Variants in SLC25A21 observed in about 807,000 individuals in gnomAD.
SLC25A21 encodes the protein solute carrier family 25 member 21, also known as mitochondrial 2-oxodicarboxylate carrier.
SLC25A21 carries 47 observed loss-of-function variants against 43.8 expected under a neutral mutation model. The observed-to-expected ratio is 1.07, with a 90% CI of 0.85 to 1.37. The LOEUF is 1.37. SLC25A21 is among the 40% of genes most tolerant of loss of function. The probability of loss-of-function intolerance (pLI) is 0.00; values close to 1 mark genes in which losing one functional copy is unlikely to be tolerated. For missense variants in SLC25A21, 352 were observed against 350.2 expected (o/e 1.00, Z -0.04); for synonymous variants, 131 against 121.3 (o/e 1.08, Z -0.52).
intron 1 of SLC25A21, among the ~76,000 whole-genome samples, chr14:36,897,921 G>A (rs563439396): frequency 3.9e-5 from 6 of 152,296 alleles, no homozygotes; most frequent in African/African-American, 7.2e-5. Flanking sequence ...GTACCTGGCC[G>A]TGTGAGGTGT....
At chr14:36,970,636 T>C (rs1453427384) in intron 1 of SLC25A21, among the ~76,000 whole-genome samples, 1 of 152,078 alleles carries the variant, frequency 6.6e-6, no homozygotes, top group East Asian at 1.9e-4. Context: ...CAGGTTAGGG[T>C]GAACAAAAAT....
intron 1 of SLC25A21, among the ~76,000 whole-genome samples, chr14:36,947,179 G>A (rs952814765): frequency 6.6e-6 from 1 of 152,150 alleles, no homozygotes; most frequent in African/African-American, 2.4e-5. Context: ...TAGTTCAGCT[G>A]CACACCAAGT....
intron 7 of SLC25A21, among the ~76,000 whole-genome samples, chr14:36,706,870 C>T (rs1283449833): frequency 6.6e-6 from 1 of 152,186 alleles, no homozygotes; most frequent in Non-Finnish European, 1.5e-5. Context: ...CTCCCATCCC[C>T]ACCCCATCCA....
intron 3 of SLC25A21, among the ~76,000 whole-genome samples, chr14:36,764,532 T>G (rs1407509627): frequency 1.9e-5 from 1 of 52,880 alleles, no homozygotes; most frequent in Non-Finnish European, 3.5e-5. Flanking sequence ...TCACCCACAC[T>G]CCAAAAAAAA....
chr14:37,026,817 T>C (rs1315814019), intron 1 of SLC25A21, among the ~76,000 whole-genome samples: 8 of 152,240 alleles, frequency 5.3e-5, no homozygotes, highest in African/African-American at 1.4e-4. Flanking sequence ...CAAAAACATG[T>C]CAAAGAGATT....
chr14:36,955,270 T>C (rs1440681886), intron 1 of SLC25A21, among the ~76,000 whole-genome samples: 7 of 152,208 alleles, frequency 4.6e-5, no homozygotes, highest in Admixed American at 2.0e-4. Flanking sequence ...CAAGAGGTTA[T>C]AATAACTAGG....
chr14:37,090,181 T>A (rs1962558539), intron 1 of SLC25A21, among the ~76,000 whole-genome samples: 1 of 152,204 alleles, frequency 6.6e-6, no homozygotes. Flanking sequence ...AATATTCTCC[T>A]TTAGGGCATC....
intron 1 of SLC25A21, among the ~76,000 whole-genome samples, chr14:36,939,958 G>A (rs1026630041): frequency 6.6e-6 from 1 of 152,118 alleles, no homozygotes; most frequent in Admixed American, 6.5e-5. Context: ...CGTCATATTT[G>A]CTAAAGAGAT....
At chr14:37,071,413 T>C (rs1391269592) in intron 1 of SLC25A21, among the ~76,000 whole-genome samples, 1 of 152,194 alleles carries the variant, frequency 6.6e-6, no homozygotes, top group African/African-American at 2.4e-5. Flanking sequence ...TCCTTTTCAA[T>C]GAGTTTATAG....
Position 36,741,038 on chromosome 14 carries a change from G to A in SLC25A21, c.204-6465C>T, listed in dbSNP as rs372217221. 1.2e-4 allele frequency among the ~76,000 whole-genome samples: 18 copies of A among 152,232 alleles called. No homozygotes were observed. In the South Asian group the frequency reaches 3.5e-3, roughly 30 times the overall value. Reference sequence around the variant, plus strand: ...TAGACAGGGGAAGGCTTAACATTCTGAAAATTTGACTCAGGTAAAGAAACT... The same window carrying A: ...TAGACAGGGGAAGGCTTAACATTCTAAAAATTTGACTCAGGTAAAGAAACT... On this transcript the variant is annotated intron_variant, in intron 3 of 9. Transcript: ENST00000331299.
At chr14:37,085,429 T>C (rs1013999410) in intron 1 of SLC25A21, among the ~76,000 whole-genome samples, 6 of 152,206 alleles carry the variant, frequency 3.9e-5, no homozygotes, top group Non-Finnish European at 1.5e-5. Flanking sequence ...AAAAACTATA[T>C]ATATTGGTTC....
chr14:37,171,431 C>A (rs74736515), intron 1 of SLC25A21, among the ~76,000 whole-genome samples: 4 of 152,052 alleles, frequency 2.6e-5, no homozygotes, highest in Non-Finnish European at 5.9e-5. Flanking sequence ...ATTAGAGTTA[C>A]TATAATTTAT....
At chr14:36,698,295 T>C (rs1292422998) in intron 7 of SLC25A21, among the ~76,000 whole-genome samples, 4 of 152,224 alleles carry the variant, frequency 2.6e-5, no homozygotes, top group Non-Finnish European at 5.9e-5. Flanking sequence ...GTTAATATGA[T>C]GGGCTTCCTT....
At chr14:36,811,457 C>T (rs1254935008) in intron 3 of SLC25A21, among the ~76,000 whole-genome samples, 1 of 152,022 alleles carries the variant, frequency 6.6e-6, no homozygotes, top group Non-Finnish European at 1.5e-5. Context: ...TTGAGACCAG[C>T]CTGGCCAACA....
At chr14:37,052,127 T>C (rs1302102426) in intron 1 of SLC25A21, among the ~76,000 whole-genome samples, 1 of 152,252 alleles carries the variant, frequency 6.6e-6, no homozygotes, top group Non-Finnish European at 1.5e-5. Flanking sequence ...AGGCAAGTTA[T>C]ATGCATAATA....
chr14:36,791,692 T>C (rs938194395), intron 3 of SLC25A21, among the ~76,000 whole-genome samples: 1 of 152,216 alleles, frequency 6.6e-6, no homozygotes, highest in Admixed American at 6.5e-5. Context: ...AAGTTAATAA[T>C]TAACAGCTAG....
At chr14:36,921,698 G>T (rs61988054) in intron 1 of SLC25A21, among the ~76,000 whole-genome samples, 5 of 152,146 alleles carry the variant, frequency 3.3e-5, no homozygotes, top group Non-Finnish European at 7.4e-5. Context: ...TAACTTGAAA[G>T]GGACAAGAGC....
intron 4 of SLC25A21, among the ~76,000 whole-genome samples, chr14:36,732,677 A>T (rs972349095): frequency 6.6e-6 from 1 of 151,872 alleles, no homozygotes; most frequent in Non-Finnish European, 1.5e-5. Flanking sequence ...GTCTCTGAAT[A>T]TTTTTTTTCT....
chr14:36,909,695 T>C (rs1261563943), intron 1 of SLC25A21, among the ~76,000 whole-genome samples: 2 of 152,202 alleles, frequency 1.3e-5, no homozygotes, highest in African/African-American at 4.8e-5. Flanking sequence ...ACATAACCTA[T>C]ATTAACTAAA....
Sources: allele counts gnomAD v4.1 joint callset (sites outside exome capture counted in the v4.1 genomes callset), GRCh38; gene constraint gnomAD v4.1.1; transcripts MANE v1.5; gene names NCBI Gene and HGNC (gene_info 2026-07-23, HGNC 2026-07-21).